Variants in CGNL1 observed in about 807,000 individuals in gnomAD.
CGNL1 encodes the protein cingulin like 1.
In CGNL1, 132 loss-of-function variants were observed where a neutral mutation model predicts 141.2. That is an observed-to-expected ratio of 0.93 (90% CI 0.81 to 1.08). The LOEUF is 1.08. Among genes scored for constraint, CGNL1 ranks in the 50% least tolerant of loss-of-function variants. CGNL1 has a pLI of 0.00. For synonymous variants in CGNL1, 690 were observed against 622.1 expected (o/e 1.11, Z -1.63); for missense variants, 1,870 against 1,588.6 (o/e 1.18, Z -3.01).
chr15:57,403,924 C>G (rs1331355741), intron 1 of CGNL1, among the ~76,000 whole-genome samples: 1 of 152,214 alleles, frequency 6.6e-6, no homozygotes, highest in African/African-American at 2.4e-5. Flanking sequence ...CTGACCCCCT[C>G]CAAGCCTTCC....
At chr15:57,534,843 A>G (rs1164228911) in intron 14 of CGNL1, among the ~76,000 whole-genome samples, 1 of 152,228 alleles carries the variant, frequency 6.6e-6, no homozygotes, top group East Asian at 1.9e-4. Flanking sequence ...GGGATATTTT[A>G]GTTTGGTGAT....
intron 14 of CGNL1, among the ~76,000 whole-genome samples, chr15:57,535,874 G>A (rs2032231389): frequency 6.6e-6 from 1 of 152,180 alleles, no homozygotes; most frequent in Non-Finnish European, 1.5e-5. Flanking sequence ...GTAAGATGGT[G>A]TATTTGACCC....
chr15:57,468,056 A>C (rs1298787299), intron 8 of CGNL1, among the ~76,000 whole-genome samples: 3 of 152,072 alleles, frequency 2.0e-5, no homozygotes, highest in Admixed American at 2.0e-4. Flanking sequence ...CTTCAAAATA[A>C]TCCACTTTGT....
intron 8 of CGNL1, among the ~76,000 whole-genome samples, chr15:57,482,472 G>A (rs1235930132): frequency 2.6e-5 from 4 of 152,178 alleles, no homozygotes; most frequent in Non-Finnish European, 2.9e-5. Context: ...TGTGTAAGGT[G>A]GAAGTTTAGT....
chr15:57,394,852 C>T lies in CGNL1; in HGVS notation c.-16+18285C>T, dbSNP rs562431466. Among the ~76,000 whole-genome samples, 8 of 152,328 alleles carry T rather than the reference C, an allele frequency of 5.3e-5. No homozygotes were observed. In the East Asian group the frequency reaches 7.7e-4, roughly 15 times the overall value. ...TTTGGCTGGGCGCAGTGGCTCATGC[C>T]TGTAATCCCAGTACTTTGGGAGGCT... On this transcript the variant is annotated intron_variant, in intron 1 of 18. Coordinates refer to ENST00000281282, the MANE Select transcript of CGNL1 (RefSeq NM_032866.5).
intron 7 of CGNL1, among the ~76,000 whole-genome samples, chr15:57,454,568 C>T (rs944904488): frequency 3.3e-5 from 5 of 152,190 alleles, no homozygotes; most frequent in Admixed American, 6.5e-5. Flanking sequence ...GATGACCTGG[C>T]AGGAGCTCAG....
chr15:57,537,790 G>A (rs947460157), intron 14 of CGNL1, among the ~76,000 whole-genome samples: 1 of 152,210 alleles, frequency 6.6e-6, no homozygotes, highest in African/African-American at 2.4e-5. Flanking sequence ...TCAGGGCTTA[G>A]CATTCTTTCA....
chr15:57,531,305 G>GT, intron 13 of CGNL1, among the ~76,000 whole-genome samples: 1 of 152,130 alleles, frequency 6.6e-6, no homozygotes, highest in Non-Finnish European at 1.5e-5. Flanking sequence ...AGCGTCAAGT[G>GT]TTTTTTCCAC....
chr15:57,378,590 C>T (rs2062392774), intron 1 of CGNL1, among the ~76,000 whole-genome samples: 1 of 151,750 alleles, frequency 6.6e-6, no homozygotes, highest in Non-Finnish European at 1.5e-5. Context: ...GCCATGTTGT[C>T]CAGGCTGTTC....
intron 3 of CGNL1, among the ~76,000 whole-genome samples, chr15:57,441,022 A>G (rs1239309971): frequency 4.0e-5 from 6 of 150,698 alleles, no homozygotes; most frequent in African/African-American, 1.5e-4. Flanking sequence ...TGAGCAAGGA[A>G]TTTGAGGTTT....
chr15:57,531,500 C>T (rs2031948893), intron 13 of CGNL1, among the ~76,000 whole-genome samples, 190 bp from the exon 14 acceptor site: 2 of 152,276 alleles, frequency 1.3e-5, no homozygotes, highest in African/African-American at 4.8e-5. Context: ...TTTTACATTA[C>T]AAGTCATGAA....
chr15:57,476,007 GT>G (rs2063651975), intron 8 of CGNL1, among the ~76,000 whole-genome samples: 1 of 152,090 alleles, frequency 6.6e-6, no homozygotes, highest in South Asian at 2.1e-4. Flanking sequence ...TTTGCCTGTA[GT>G]TTTTGTTTGT....
At chr15:57,470,748 G>C (rs1487906495) in intron 8 of CGNL1, among the ~76,000 whole-genome samples, 1 of 152,192 alleles carries the variant, frequency 6.6e-6, no homozygotes, top group East Asian at 1.9e-4. Context: ...ATCTTATGTG[G>C]TCTTGTGGGC....
chr15:57,405,396 G>A (rs1438964123), intron 1 of CGNL1, among the ~76,000 whole-genome samples: 1 of 152,196 alleles, frequency 6.6e-6, no homozygotes, highest in Non-Finnish European at 1.5e-5. Flanking sequence ...CTACCCTTAG[G>A]TGCTGCTCCC....
chr15:57,394,657 C>T (rs1325077051), intron 1 of CGNL1, among the ~76,000 whole-genome samples: 2 of 152,146 alleles, frequency 1.3e-5, no homozygotes, highest in African/African-American at 4.8e-5. Context: ...TACAAATGAC[C>T]TATTGTAATC....
chr15:57,464,732 T>TTCCTTTC (rs1182602220), intron 8 of CGNL1, among the ~76,000 whole-genome samples: 2 of 114,676 alleles, frequency 1.7e-5, no homozygotes, highest in African/African-American at 3.3e-5. Flanking sequence ...TTCCTTTCCT[T>TTCCTTTC]CTTTCTTTCT....
At position 57,493,565 on chromosome 15, in the gene CGNL1, A is replaced by G. The variant is rs924261557; in HGVS notation, c.2404-23215A>G. Among the ~76,000 whole-genome samples the G allele has an allele frequency of 2.6e-5, 4 of 152,332 alleles. No individual in the cohort carries two copies. The South Asian group carries it at 8.3e-4, about 32-fold the overall frequency. ...ATCAACTTGATTAAACTGAAAAGAGATACATGATATCTGCTGTTTCTTTTT... is the reference window on the plus strand; with the variant it reads ...ATCAACTTGATTAAACTGAAAAGAGGTACATGATATCTGCTGTTTCTTTTT... On this transcript the variant is annotated intron_variant, in intron 8 of 18. Transcript: ENST00000281282.
At chr15:57,546,856 G>A (rs960830190) in intron 18 of CGNL1, among the ~76,000 whole-genome samples, 3 of 152,096 alleles carry the variant, frequency 2.0e-5, no homozygotes, top group Admixed American at 6.5e-5. Context: ...GCTCTTTGCT[G>A]GCTGCCCGGG....
Position 57,547,862 on chromosome 15 carries a change from C to T in CGNL1, c.*372C>T, listed in dbSNP as rs1375720236. On this transcript the variant is annotated 3_prime_UTR_variant, in exon 19 of 19. Transcript: ENST00000281282. ...GAAGGCTAGGACTTACTTAATAGCACTGTGCAGGGAGGAAACCATGTATAG... is the reference window on the plus strand; with the variant it reads ...GAAGGCTAGGACTTACTTAATAGCATTGTGCAGGGAGGAAACCATGTATAG... 1 of 223,940 alleles carries T rather than the reference C, an allele frequency of 4.5e-6. No homozygotes were observed. The highest frequency in any genetic ancestry group is 2.3e-5 in the African/African-American group (1 of 43,604). 13.9% of individuals were successfully genotyped at this position (223,940 alleles called of 1,614,324 possible).
Sources: gnomAD v4.1 joint callset for allele counts (sites outside exome capture counted in the v4.1 genomes callset) on GRCh38, gnomAD v4.1.1 for gene constraint, MANE v1.5 for transcripts, NCBI Gene and HGNC (gene_info 2026-07-23, HGNC 2026-07-21) for gene names.